NAP1L4: variants seen among roughly 807,000 people sequenced by gnomAD.
NAP1L4 encodes the protein nucleosome assembly protein 1-like 4.
In NAP1L4, 15 loss-of-function variants were observed where a neutral mutation model predicts 58.2. The ratio of observed to expected loss-of-function variants is 0.26; its 90% confidence interval spans 0.17 to 0.40. The LOEUF is 0.40. Among genes scored for constraint, NAP1L4 ranks in the 10% least tolerant of loss-of-function variants. The pLI, the probability that NAP1L4 is intolerant of heterozygous loss-of-function variation, is 1.00. For synonymous variants in NAP1L4, 171 were observed against 155.6 expected, an observed-to-expected ratio of 1.10 and a Z score of -0.74; for missense variants, 384 against 451.1, an observed-to-expected ratio of 0.85 and a Z score of 1.35.
At chr11:2,986,334 A>G (rs1848613892) in intron 1 of NAP1L4, among the ~76,000 whole-genome samples, 1 of 149,686 alleles carries the variant, frequency 6.7e-6, no homozygotes, top group African/African-American at 2.5e-5. Flanking sequence ...AGATTGCCCC[A>G]CTAGACTCCA....
chr11:2,967,605 C>A (rs1027543519), intron 7 of NAP1L4, among the ~76,000 whole-genome samples: 1 of 140,354 alleles, frequency 7.1e-6, no homozygotes, highest in Non-Finnish European at 1.5e-5. Flanking sequence ...AGCGAGACTC[C>A]GTTAAAAAAA....
intron 3 of NAP1L4, among the ~76,000 whole-genome samples, chr11:2,976,616 G>C (rs79811307): frequency 0.015 from 2,322 of 152,286 alleles, 51 homozygotes; most frequent in African/African-American, 0.053. Flanking sequence ...TGTTCCCTAA[G>C]TTTTCTTTGC....
At chr11:2,968,793 A>G (rs1287179849) in intron 7 of NAP1L4, among the ~76,000 whole-genome samples, 1 of 152,202 alleles carries the variant, frequency 6.6e-6, no homozygotes, top group Non-Finnish European at 1.5e-5. Context: ...ACGCTGGAGC[A>G]ATAAAAACTG....
rs1251818343 is a variant in NAP1L4 at position 2,954,869 on chromosome 11, T to C, written c.916-223A>G. ...GCAAAATGGCAGAGAAAGTGGGAAGTGAGGGCCCTACAGCTCCACAACTTG... is the reference window on the plus strand; with the variant it reads ...GCAAAATGGCAGAGAAAGTGGGAAGCGAGGGCCCTACAGCTCCACAACTTG... On this transcript the variant is annotated intron_variant, in intron 11 of 15. Transcript: ENST00000380542. This position sits in a 1 kb window ranked among gnomAD's most constrained non-coding sequence, Gnocchi z 4.8. The C allele has an allele frequency of 6.7e-6, 4 of 593,198 alleles. No homozygotes were observed. Among genetic ancestry groups the C allele is most frequent in the Non-Finnish European group, 1.2e-5 (4 of 334,234 alleles). 36.7% of individuals were successfully genotyped at this position (593,198 alleles called of 1,614,324 possible).
In NAP1L4 at chr11:2,975,951, T is replaced by A. The variant is rs1050482999; in HGVS notation, c.173+73A>T. ...AACATTTAATCCTGTTCTGGGGAACTGAAAAGTGGTTTTTCCTTTATTTTC... is the reference window on the plus strand; with the variant it reads ...AACATTTAATCCTGTTCTGGGGAACAGAAAAGTGGTTTTTCCTTTATTTTC... On this transcript the variant is annotated intron_variant, in intron 4 of 15. Coordinates refer to ENST00000380542, the MANE Select transcript of NAP1L4 (RefSeq NM_005969.4). The A allele has an allele frequency of 1.1e-5, 14 of 1,323,706 alleles. No homozygotes were observed. The African/African-American group carries it at 1.9e-4, about 18-fold the overall frequency. The allele number at this position is 1,323,706 out of a possible 1,614,324, so 82.0% of individuals were successfully genotyped here.
intron 8 of NAP1L4, among the ~76,000 whole-genome samples, chr11:2,960,501 A>G (rs1366045812): frequency 6.6e-6 from 1 of 152,222 alleles, no homozygotes; most frequent in African/African-American, 2.4e-5. Flanking sequence ...GGATGCAAAC[A>G]TGAACGCAGG....
In NAP1L4 at chr11:2,986,342, C is replaced by A. The variant is rs547326786; in HGVS notation, c.-18+5912G>T. 2.7e-5 allele frequency among the ~76,000 whole-genome samples: 4 copies of A among 148,068 alleles called. No individual in the cohort carries two copies. In the South Asian group the frequency reaches 8.6e-4, roughly 32 times the overall value. On this transcript the variant is annotated intron_variant, in intron 1 of 15. Coordinates refer to ENST00000380542, the MANE Select transcript of NAP1L4 (RefSeq NM_005969.4). ...TGAGCCAAGATTGCCCCACTAGACT[C>A]CAGTCTGGGCGACAGAGCCAGACCC...
At chr11:2,984,026 G>A (rs1384112882) in intron 1 of NAP1L4, among the ~76,000 whole-genome samples, 3 of 151,488 alleles carry the variant, frequency 2.0e-5, no homozygotes, top group South Asian at 2.1e-4. Flanking sequence ...GGACACAGTG[G>A]TTGATGCCTC....
chr11:2,982,574 G>A (rs914931736), intron 1 of NAP1L4, among the ~76,000 whole-genome samples: 1 of 152,218 alleles, frequency 6.6e-6, no homozygotes, highest in Non-Finnish European at 1.5e-5. Context: ...CAGTTTACAC[G>A]AAAAGAAGCT....
At chr11:2,974,693 G>A (rs1255784990) in intron 4 of NAP1L4, among the ~76,000 whole-genome samples, 1 of 152,052 alleles carries the variant, frequency 6.6e-6, no homozygotes, top group Non-Finnish European at 1.5e-5. Flanking sequence ...GTCAGGAGCT[G>A]GAGATCAGCC....
At chr11:2,980,712 T>A (rs1225906620) in intron 1 of NAP1L4, among the ~76,000 whole-genome samples, 3 of 152,094 alleles carry the variant, frequency 2.0e-5, no homozygotes, top group Non-Finnish European at 4.4e-5. Context: ...TCACATAGCT[T>A]TAGGGTAAAA....
chr11:2,953,515 A>G (rs1846353105), intron 12 of NAP1L4, among the ~76,000 whole-genome samples: 1 of 152,258 alleles, frequency 6.6e-6, no homozygotes, highest in Non-Finnish European at 1.5e-5. Flanking sequence ...GTTCTACTGG[A>G]AAGTGCTGGT....
intron 4 of NAP1L4, 81 bp from the exon 5 acceptor site, chr11:2,972,324 T>A (rs1847686554): frequency 7.5e-7 from 1 of 1,336,530 alleles, no homozygotes; most frequent in Non-Finnish European, 1.0e-6. Context: ...TAAAATAAAT[T>A]TAGGTTAACA....
chr11:2,981,418 CAAAAAA>C (rs35499396), intron 1 of NAP1L4, among the ~76,000 whole-genome samples: 828 of 41,216 alleles, frequency 0.02, 10 homozygotes, highest in African/African-American at 0.042. Flanking sequence ...TACCCTGTCT[CAAAAAA>C]AAAAAAAAAA....
At chr11:2,983,426 A>G (rs1848442478) in intron 1 of NAP1L4, among the ~76,000 whole-genome samples, 1 of 152,112 alleles carries the variant, frequency 6.6e-6, no homozygotes, top group Admixed American at 6.5e-5. Context: ...ATCATAGCTC[A>G]CTGCAGTCTC....
rs1845960546 is a variant in NAP1L4 at position 2,946,786 on chromosome 11, A to G, written c.*33-1140T>C. ...GCCCAAAGAGCCTGGCCAAGACAAAACGAGGCTGACCAAAAACCCTCGCCA... is the reference window on the plus strand; with the variant it reads ...GCCCAAAGAGCCTGGCCAAGACAAAGCGAGGCTGACCAAAAACCCTCGCCA... On this transcript the variant is annotated intron_variant, in intron 15 of 15. Transcript: ENST00000380542. This position sits in a 1 kb window ranked among gnomAD's most constrained non-coding sequence, Gnocchi z 4.8. Among the ~76,000 whole-genome samples, 1 of 152,208 alleles carries G rather than the reference A, an allele frequency of 6.6e-6. No homozygotes were observed. The highest frequency in any genetic ancestry group is 1.5e-5 in the Non-Finnish European group (1 of 68,028).
rs565170792 is a variant in NAP1L4 at position 2,945,775 on chromosome 11, A to C, written c.*33-129T>G. The C allele has an allele frequency of 3.1e-5, 21 of 678,252 alleles. No individual in the cohort carries two copies. The African/African-American group carries it at 3.7e-4, about 12-fold the overall frequency. 42.0% of individuals were successfully genotyped at this position (678,252 alleles called of 1,614,324 possible). On this transcript the variant is annotated intron_variant, in intron 15 of 15. Transcript: ENST00000380542. ...TGAAAAAAATGGTTACTGCAAATAT[A>C]CTTTTAAAAATAGTGACAAAAACAA...
intron 12 of NAP1L4, chr11:2,952,061 G>A (rs1419573871): frequency 3.5e-6 from 2 of 571,372 alleles, no homozygotes; most frequent in South Asian, 4.2e-5. Flanking sequence ...GGTGTACCCT[G>A]GACACAGCTG....
chr11:2,984,278 A>C (rs1848499174), intron 1 of NAP1L4, among the ~76,000 whole-genome samples: 1 of 151,438 alleles, frequency 6.6e-6, no homozygotes, highest in African/African-American at 2.4e-5. Context: ...AGATTTAAAA[A>C]CCCTTTAACA....
Sources: allele counts gnomAD v4.1 joint callset (sites outside exome capture counted in the v4.1 genomes callset), GRCh38; gene constraint gnomAD v4.1.1; non-coding constraint Gnocchi (gnomAD v3.1); transcripts MANE v1.5; gene names NCBI Gene and HGNC (gene_info 2026-07-23, HGNC 2026-07-21).